Variants in PCBP3 observed in about 807,000 individuals in gnomAD.
PCBP3 encodes poly(rC) binding protein 3.
A neutral mutation model predicts 52.7 loss-of-function variants in PCBP3; 25 were observed. That is an observed-to-expected ratio of 0.47 (90% CI 0.35 to 0.66). The LOEUF (loss-of-function observed/expected upper bound fraction) is 0.66. PCBP3 is among the 30% of genes least tolerant of loss of function. The probability of loss-of-function intolerance (pLI) is 0.01; values close to 1 mark genes in which losing one functional copy is unlikely to be tolerated. For synonymous variants in PCBP3, 162 were observed against 183.0 expected (o/e 0.89, Z 0.93); for missense variants, 391 against 490.3 (o/e 0.80, Z 1.91).
In PCBP3 at chr21:45,737,080, A is replaced by T. The variant is rs1000635878; in HGVS notation, c.-162+1651A>T. Among the ~76,000 whole-genome samples, 1 of 152,076 alleles carries T rather than the reference A, an allele frequency of 6.6e-6. No individual in the cohort carries two copies. The highest frequency in any genetic ancestry group is 2.4e-5 in the African/African-American group (1 of 41,416). On this transcript the variant is annotated intron_variant, in intron 3 of 17. Coordinates refer to ENST00000681687, the MANE Select transcript of PCBP3 (RefSeq NM_001384156.1). This position sits in a 1 kb window ranked among gnomAD's most constrained non-coding sequence, Gnocchi z 4.9. ...CGGGTCTGACATGCCTGGTGCATCC[A>T]TGGGGCAGTGAGGAGGCTGCGGGGC...
rs140615232 is a variant in PCBP3 at position 45,828,815 on chromosome 21, C to T, written c.-125-21146C>T. 684 of 152,616 alleles carry T rather than the reference C, an allele frequency of 4.5e-3. 3 individuals are homozygous for T. Among genetic ancestry groups the T allele is most frequent in the African/African-American group, 0.015 (633 of 41,578 alleles). The allele number at this position is 152,616 out of a possible 1,614,324, so 9.5% of individuals were successfully genotyped here. On this transcript the variant is annotated intron_variant, in intron 4 of 17. Transcript: ENST00000681687. The stretch of plus-strand genomic sequence containing the variant: ...CCTCTCCGCCCCGCAGCCCGTCGCA[C>T]GCTTGACTTCTGGTCCCTCAGGAGG...
intron 4 of PCBP3, among the ~76,000 whole-genome samples, chr21:45,820,453 C>T (rs1439189678): frequency 2.6e-5 from 4 of 152,250 alleles, no homozygotes; most frequent in African/African-American, 9.6e-5. Context: ...CTCCCACAAT[C>T]CTTGTGAGGG....
At chr21:45,941,196 G>C (rs2077432965) in intron 17 of PCBP3, among the ~76,000 whole-genome samples, 1 of 152,206 alleles carries the variant, frequency 6.6e-6, no homozygotes, top group Non-Finnish European at 1.5e-5. Context: ...GTGCAGCATT[G>C]GCAAACCCAG....
chr21:45,891,597 C>T (rs927209357), intron 5 of PCBP3, among the ~76,000 whole-genome samples: 1 of 152,100 alleles, frequency 6.6e-6, no homozygotes, highest in African/African-American at 2.4e-5. Flanking sequence ...GGAGCACGGA[C>T]CACAGGGGAC....
intron 4 of PCBP3, among the ~76,000 whole-genome samples, chr21:45,815,182 AGTGAGTG>A (rs1313211979): frequency 1.1e-4 from 4 of 35,126 alleles, no homozygotes; most frequent in African/African-American, 3.8e-4. Context: ...GTGAGTGGTG[AGTGAGTG>A]GTGAGTGGTG....
At chr21:45,734,353 C>T (rs904627313) in intron 2 of PCBP3, among the ~76,000 whole-genome samples, 1 of 152,214 alleles carries the variant, frequency 6.6e-6, no homozygotes, top group Non-Finnish European at 1.5e-5. Context: ...TGTGCCCATC[C>T]ATGTCCAGGC....
chr21:45,930,831 T>C lies in PCBP3; in HGVS notation c.842T>C (p.Met281Thr). ...TCCTCCGAAGAAGCTCAAAATCTGA[T>C]GGGCCAGTCATCAGGTAACACAAAG... ...LHSSEEAQNL[M>T]GQSSGLDASP... is the part of the protein sequence containing the mutation. Residue 281 changes from methionine (M) to threonine (T), a missense_variant, in exon 15 of 18, where the codon ATG becomes ACG. Coordinates refer to ENST00000681687, the MANE Select transcript of PCBP3 (RefSeq NM_001384156.1). The C allele has an allele frequency of 6.2e-7, 1 of 1,606,162 alleles. No homozygotes were observed. Among genetic ancestry groups the C allele is most frequent in the Non-Finnish European group, 8.5e-7 (1 of 1,173,188 alleles).
In PCBP3 at chr21:45,644,390, G is replaced by C. The variant is rs1425407404; in HGVS notation, c.-279+522G>C. 3.3e-5 allele frequency among the ~76,000 whole-genome samples: 5 copies of C among 152,026 alleles called. No homozygotes were observed. The East Asian group carries it at 9.7e-4, about 30-fold the overall frequency. On this transcript the variant is annotated intron_variant, in intron 1 of 17. Coordinates refer to ENST00000681687, the MANE Select transcript of PCBP3 (RefSeq NM_001384156.1). ...GAGAGCCGCGCGCGGGCGGTGGGGC[G>C]CGCGCAGGTCTCTCTTGTTGCTCGC...
At position 45,800,556 on chromosome 21, in the gene PCBP3, A is replaced by C. The variant is rs1055708123; in HGVS notation, c.-126+45104A>C. Among the ~76,000 whole-genome samples, 1 of 151,608 alleles carries C rather than the reference A, an allele frequency of 6.6e-6. No homozygotes were observed. Among genetic ancestry groups the C allele is most frequent in the Non-Finnish European group, 1.5e-5 (1 of 67,892 alleles). ...CCATGCCTCTAACCCACCCAACACC[A>C]CCAGCCTTGCTGGTGCCTCCTGCCC... On this transcript the variant is annotated intron_variant, in intron 4 of 17. Coordinates refer to ENST00000681687, the MANE Select transcript of PCBP3 (RefSeq NM_001384156.1). The surrounding 1 kb of genome is among the most constrained non-coding windows in gnomAD (Gnocchi z 5.3).
intron 2 of PCBP3, among the ~76,000 whole-genome samples, chr21:45,733,577 C>T (rs2145816410): frequency 6.6e-6 from 1 of 151,818 alleles, no homozygotes; most frequent in African/African-American, 2.4e-5. Flanking sequence ...AGGCATGAGC[C>T]ACCGTGCCTG....
At position 45,788,468 on chromosome 21, in the gene PCBP3, A is replaced by G. The variant is rs1207623203; in HGVS notation, c.-126+33016A>G. 1 of 154,240 alleles carries G rather than the reference A, an allele frequency of 6.5e-6. No individual in the cohort carries two copies. The highest frequency in any genetic ancestry group is 1.4e-5 in the Non-Finnish European group (1 of 69,708). The allele number at this position is 154,240 out of a possible 1,614,324, so 9.6% of individuals were successfully genotyped here. ...ACCTGTGACCCTGCCTGCCCTGCCC[A>G]GCTTCGCCCCCATGTCTGCCTGTCC... On this transcript the variant is annotated intron_variant, in intron 4 of 17. Coordinates refer to ENST00000681687, the MANE Select transcript of PCBP3 (RefSeq NM_001384156.1). The surrounding 1 kb of genome is among the most constrained non-coding windows in gnomAD (Gnocchi z 4.3).
At chr21:45,905,284 C>A (rs1287212623) in intron 9 of PCBP3, among the ~76,000 whole-genome samples, 1 of 152,328 alleles carries the variant, frequency 6.6e-6, no homozygotes, top group East Asian at 1.9e-4. Context: ...CATCTGCAGT[C>A]ACCACCTCTC....
At chr21:45,699,558 G>C (rs529346460) in intron 2 of PCBP3, among the ~76,000 whole-genome samples, 10 of 152,286 alleles carry the variant, frequency 6.6e-5, no homozygotes, top group South Asian at 4.1e-4. Context: ...GTATTAGTCT[G>C]TTCTCACACT....
In PCBP3 at chr21:45,906,026, C is replaced by T. The variant is rs559199054; in HGVS notation, c.340-3329C>T. On this transcript the variant is annotated intron_variant, in intron 9 of 17. Transcript: ENST00000681687. Reference sequence around the variant, plus strand: ...TCACCACGATGTGTCAGAACTGAATCGCTAGGGAGATTTAGGTCTTCTAAG... The same window carrying T: ...TCACCACGATGTGTCAGAACTGAATTGCTAGGGAGATTTAGGTCTTCTAAG... Among the ~76,000 whole-genome samples the T allele has an allele frequency of 1.4e-4, 21 of 152,256 alleles. No homozygotes were observed. In the South Asian group the frequency reaches 3.3e-3, roughly 24 times the overall value.
chr21:45,930,846 G>A lies in PCBP3; in HGVS notation c.856+1G>A. On this transcript the variant is annotated splice_donor_variant, in intron 15 of 17. Coordinates refer to ENST00000681687, the MANE Select transcript of PCBP3 (RefSeq NM_001384156.1). LOFTEE classifies it high-confidence loss of function. ...CAAAATCTGATGGGCCAGTCATCAG[G>A]TAACACAAAGCCACACTGACAGGAG... 6.2e-7 allele frequency: 1 copy of A among 1,611,896 alleles called. No homozygotes were observed. The highest frequency in any genetic ancestry group is 8.5e-7 in the Non-Finnish European group (1 of 1,178,612).
chr21:45,740,601 AGT>A (rs1266826184), intron 3 of PCBP3, among the ~76,000 whole-genome samples: 2 of 141,860 alleles, frequency 1.4e-5, no homozygotes, highest in African/African-American at 2.7e-5. Context: ...TGTGCATGTG[AGT>A]GTGTGTGTGG....
chr21:45,679,450 G>A (rs2081693273), intron 2 of PCBP3, among the ~76,000 whole-genome samples: 1 of 152,078 alleles, frequency 6.6e-6, no homozygotes, highest in Non-Finnish European at 1.5e-5. Flanking sequence ...ATTAAGGTAT[G>A]TACATTGTTT....
intron 5 of PCBP3, among the ~76,000 whole-genome samples, chr21:45,858,039 T>C (rs558412160): frequency 1.3e-5 from 2 of 152,264 alleles, no homozygotes; most frequent in South Asian, 4.1e-4. Context: ...CACCCTGCAC[T>C]CCTGCCTTGC....
At chr21:45,789,249 G>A (rs1172828131) in intron 4 of PCBP3, among the ~76,000 whole-genome samples, 3 of 152,060 alleles carry the variant, frequency 2.0e-5, no homozygotes, top group Admixed American at 1.3e-4. Flanking sequence ...GTGTGTGCAC[G>A]TGTGTGTGTG....
Sources: gnomAD v4.1 joint callset for allele counts (sites outside exome capture counted in the v4.1 genomes callset) on GRCh38, gnomAD v4.1.1 for gene constraint, Gnocchi (gnomAD v3.1) non-coding constraint, MANE v1.5 for transcripts, NCBI Gene and HGNC (gene_info 2026-07-23, HGNC 2026-07-21) for gene names.